NXPE2: variants seen among roughly 807,000 people sequenced by gnomAD.
The protein encoded by NXPE2 is NXPE family member 2.
Under a neutral mutation model 34.4 loss-of-function variants are expected in NXPE2, and 34 were observed. The observed-to-expected ratio is 0.99, with a 90% CI of 0.75 to 1.31. The LOEUF (loss-of-function observed/expected upper bound fraction) is 1.31. Ranked by LOEUF, NXPE2 falls within the 40% of genes most tolerant of loss-of-function variation. The probability of loss-of-function intolerance (pLI) is 0.00; values close to 1 mark genes in which losing one functional copy is unlikely to be tolerated. For missense variants in NXPE2, 649 were observed against 672.5 expected (o/e 0.97, Z 0.39); for synonymous variants, 235 against 231.3 (o/e 1.02, Z -0.15).
chr11:114,566,947 A>G, the NXPE2 span, among the ~76,000 whole-genome samples: 2 of 152,194 alleles, frequency 1.3e-5, no homozygotes, highest in African/African-American at 2.4e-5. Flanking sequence ...ATTCTCTGCA[A>G]TCATGGACAG....
chr11:114,539,690 T>C, the NXPE2 span, among the ~76,000 whole-genome samples: 1 of 152,156 alleles, frequency 6.6e-6, no homozygotes, highest in Non-Finnish European at 1.5e-5. Context: ...TAATCATTTA[T>C]AAAGAGGAAC....
chr11:114,701,571 T>A (rs1325235979), intron 3 of NXPE2, among the ~76,000 whole-genome samples: 1 of 152,170 alleles, frequency 6.6e-6, no homozygotes, highest in Non-Finnish European at 1.5e-5. Flanking sequence ...GAGATTTCAG[T>A]CTCCCTACAG....
At chr11:114,546,797 G>A in the NXPE2 span, among the ~76,000 whole-genome samples, 17 of 151,970 alleles carry the variant, frequency 1.1e-4, no homozygotes, top group African/African-American at 3.1e-4. Context: ...TTGTAGTGTC[G>A]GAAAGCAAGA....
intron 5 of NXPE2, 125 bp from the exon 6 acceptor site, chr11:114,706,270 A>G (rs1951471033): frequency 7.8e-6 from 6 of 767,832 alleles, no homozygotes; most frequent in Admixed American, 3.3e-5. Context: ...AAAATTATCC[A>G]CCTTACATAG....
chr11:114,796,658 G>C, the NXPE2 span, among the ~76,000 whole-genome samples: 1 of 152,200 alleles, frequency 6.6e-6, no homozygotes, highest in Admixed American at 6.5e-5. Flanking sequence ...CCTAATGAGT[G>C]CCAGGCTTTC....
At chr11:114,784,537 G>A in the NXPE2 span, among the ~76,000 whole-genome samples, 45 of 152,198 alleles carry the variant, frequency 3.0e-4, no homozygotes, top group African/African-American at 9.6e-4. Context: ...TGTGGATTTC[G>A]CGTCTCACTC....
At chr11:114,747,410 C>T in the NXPE2 span, among the ~76,000 whole-genome samples, 52 of 152,258 alleles carry the variant, frequency 3.4e-4, no homozygotes, top group African/African-American at 1.2e-3. Context: ...TGATACATGT[C>T]ACTTGATTAC....
chr11:114,769,297 GA>G, the NXPE2 span, among the ~76,000 whole-genome samples: 16,073 of 152,002 alleles, frequency 0.11, 963 homozygotes, highest in Middle Eastern at 0.16. Context: ...CAATCATTAA[GA>G]AGTCAGGAAA....
the NXPE2 span, among the ~76,000 whole-genome samples, chr11:114,478,157 T>G: frequency 6.7e-6 from 1 of 149,520 alleles, no homozygotes; most frequent in Non-Finnish European, 1.5e-5. Context: ...GTAATGAGGG[T>G]GGACATTTGT....
At chr11:114,580,386 C>A in the NXPE2 span, 2 of 1,532,674 alleles carry the variant, frequency 1.3e-6, no homozygotes, top group South Asian at 1.1e-5. Context: ...TCAAATTACC[C>A]GTCAGTATGT....
At chr11:114,712,643 T>C in the NXPE2 span, among the ~76,000 whole-genome samples, 53,970 of 151,950 alleles carry the variant, frequency 0.36, 9,857 homozygotes, top group South Asian at 0.38. Context: ...TGTGAAGAAG[T>C]TGGAACCTTT....
the NXPE2 span, among the ~76,000 whole-genome samples, chr11:114,618,210 C>T: frequency 1.3e-5 from 2 of 151,876 alleles, no homozygotes; most frequent in African/African-American, 2.4e-5. Context: ...TCATTGGTCA[C>T]CACTGTTACC....
chr11:114,689,238 C>G (rs921253252), intron 2 of NXPE2, among the ~76,000 whole-genome samples: 2 of 151,984 alleles, frequency 1.3e-5, no homozygotes, highest in Non-Finnish European at 2.9e-5. Context: ...ATAAACTTTC[C>G]TAGTGACACT....
the NXPE2 span, among the ~76,000 whole-genome samples, chr11:114,630,866 C>G: frequency 4.6e-5 from 7 of 151,482 alleles, no homozygotes; most frequent in African/African-American, 1.7e-4. Flanking sequence ...GGGCAAAGGA[C>G]ATGAACAGAC....
the NXPE2 span, chr11:114,551,282 T>C: frequency 7.6e-7 from 1 of 1,321,640 alleles, no homozygotes; most frequent in Non-Finnish European, 1.0e-6. Context: ...ATTTTATTTA[T>C]AACTTGTAAT....
the NXPE2 span, among the ~76,000 whole-genome samples, chr11:114,499,835 A>G: frequency 6.6e-6 from 1 of 151,958 alleles, no homozygotes; most frequent in Admixed American, 6.6e-5. Flanking sequence ...CATTTCATTG[A>G]TTGTTGGGCT....
chr11:114,600,807 C>T, the NXPE2 span, among the ~76,000 whole-genome samples: 1 of 152,158 alleles, frequency 6.6e-6, no homozygotes, highest in South Asian at 2.1e-4. Context: ...ATGTTATTTA[C>T]TGATGCTGGC....
the NXPE2 span, among the ~76,000 whole-genome samples, chr11:114,512,063 G>T: frequency 6.6e-6 from 1 of 152,154 alleles, no homozygotes; most frequent in Non-Finnish European, 1.5e-5. Context: ...GGTTCCATCT[G>T]GGGGAGGGGA....
the NXPE2 span, among the ~76,000 whole-genome samples, chr11:114,624,043 C>G: frequency 6.7e-6 from 1 of 150,310 alleles, no homozygotes; most frequent in Non-Finnish European, 1.5e-5. Flanking sequence ...CCACTGTTAC[C>G]TGGTGGATAA....
Sources: allele counts gnomAD v4.1 joint callset (sites outside exome capture counted in the v4.1 genomes callset), GRCh38; gene constraint gnomAD v4.1.1; transcripts MANE v1.5; gene names NCBI Gene and HGNC (gene_info 2026-07-23, HGNC 2026-07-21).